REPS1: variants seen among roughly 807,000 people sequenced by gnomAD.
REPS1 encodes the protein RALBP1 associated Eps domain containing 1.
A neutral mutation model predicts 100.9 loss-of-function variants in REPS1; 39 were observed. That is an observed-to-expected ratio of 0.39 (90% CI 0.30 to 0.50). REPS1 has a LOEUF of 0.50. Among genes scored for constraint, REPS1 ranks in the 20% least tolerant of loss-of-function variants. The probability of loss-of-function intolerance (pLI) is 0.86; values close to 1 mark genes in which losing one functional copy is unlikely to be tolerated. For missense variants in REPS1, 821 were observed against 968.5 expected, an observed-to-expected ratio of 0.85 and a Z score of 2.02; for synonymous variants, 324 against 340.3, an observed-to-expected ratio of 0.95 and a Z score of 0.53.
chr6:138,911,102 T>A, intron 17 of REPS1, 174 bp downstream of exon 17: 1 of 543,194 alleles, frequency 1.8e-6, no homozygotes, highest in South Asian at 2.5e-5. Flanking sequence ...TTAACATAGA[T>A]TACAGAATAT....
chr6:138,929,883 C>A, intron 9 of REPS1, 94 bp downstream of exon 9: 1 of 1,201,974 alleles, frequency 8.3e-7, no homozygotes, highest in Non-Finnish European at 1.2e-6. Context: ...ATTATGCATG[C>A]ATGCTGGAAG....
At chr6:138,939,008 C>G (rs1782052366) in intron 8 of REPS1, among the ~76,000 whole-genome samples, 1 of 151,984 alleles carries the variant, frequency 6.6e-6, no homozygotes, top group Non-Finnish European at 1.5e-5. Flanking sequence ...CCACCACACC[C>G]TGCTAATTTT....
At chr6:138,969,451 A>AT (rs1297090821) in intron 1 of REPS1, among the ~76,000 whole-genome samples, 27,553 of 133,136 alleles carry the variant, frequency 0.21, 3,076 homozygotes, top group African/African-American at 0.31. Context: ...CAGCTGGCCA[A>AT]TTTTTTTTTT....
At position 138,987,658 on chromosome 6, in the gene REPS1, C is replaced by T. The variant is rs1215476213; in HGVS notation, c.25G>A (p.Ala9Thr). MEGLTLSD[A>T]EQKYYSDLFS... Reference sequence around the variant, plus strand: ...AGATCTGAATAGTATTTCTGCTCCGCATCGCTCAGCGTTAAGCCTTCCATC... The same window carrying T: ...AGATCTGAATAGTATTTCTGCTCCGTATCGCTCAGCGTTAAGCCTTCCATC... The change falls in exon 1 of 20, where the codon GCG becomes ACG. Residue 9 changes from alanine to threonine, a missense_variant. By Grantham distance (58) the Ala-to-Thr change is moderately conservative (BLOSUM62 0). This residue lies in a region of REPS1 where 36 missense variants were observed against 36.7 expected (regional missense o/e 0.98). Coordinates refer to ENST00000450536, the MANE Select transcript of REPS1 (RefSeq NM_001286611.2). 1.0e-5 allele frequency: 16 copies of T among 1,548,976 alleles called. No individual in the cohort carries two copies. The highest frequency in any genetic ancestry group is 1.4e-5 in the Non-Finnish European group (16 of 1,146,108).
chr6:138,969,205 C>G (rs973808905), intron 1 of REPS1, among the ~76,000 whole-genome samples: 4 of 150,274 alleles, frequency 2.7e-5, no homozygotes, highest in South Asian at 2.1e-4. Flanking sequence ...AACACAGAAC[C>G]CTTTTTCTTA....
chr6:138,931,076 G>T (rs1781456167), intron 8 of REPS1, among the ~76,000 whole-genome samples: 1 of 152,076 alleles, frequency 6.6e-6, no homozygotes, highest in African/African-American at 2.4e-5. Context: ...AATCGGTTTA[G>T]AACTCATATC....
At chr6:138,928,887 G>A (rs1376241661) in intron 9 of REPS1, 1 of 152,118 alleles carries the variant, frequency 6.6e-6, no homozygotes. Flanking sequence ...TGTATTAATG[G>A]TTTTGCATCC....
intron 10 of REPS1, among the ~76,000 whole-genome samples, chr6:138,924,415 T>A (rs991049762): frequency 6.6e-6 from 1 of 152,166 alleles, no homozygotes; most frequent in Non-Finnish European, 1.5e-5. Context: ...CCAAGAAATG[T>A]CAATAATATC....
At chr6:138,966,576 G>A (rs921006775) in intron 1 of REPS1, among the ~76,000 whole-genome samples, 12 of 152,166 alleles carry the variant, frequency 7.9e-5, no homozygotes, top group African/African-American at 2.7e-4. Context: ...AGGACACACA[G>A]CAAGTGACAG....
chr6:138,968,629 T>C (rs1202731369), intron 1 of REPS1, among the ~76,000 whole-genome samples: 4 of 152,252 alleles, frequency 2.6e-5, no homozygotes. Context: ...AATGAGACAC[T>C]TTTTTAAAGT....
chr6:138,953,697 AAT>A lies in REPS1; in HGVS notation c.154-5786_154-5785del, dbSNP rs1318102180. Among the ~76,000 whole-genome samples the A allele has an allele frequency of 5.2e-4, 77 of 147,468 alleles. 1 individual carries two copies. The East Asian group carries it at 0.011, about 21-fold the overall frequency. On this transcript the variant is annotated intron_variant, in intron 1 of 19. Transcript: ENST00000450536. Reference sequence around the variant, plus strand: ...GGCTATTATCAAAAAAAAAAAAAAAAATGCTGGCGAGGATGCAGAAAAAAGGG... The same window carrying A: ...GGCTATTATCAAAAAAAAAAAAAAAAGCTGGCGAGGATGCAGAAAAAAGGG...
rs775659129 is a variant in REPS1 at position 138,912,956 on chromosome 6, C to CAATG, written c.1786-10_1786-7dup. The CAATG allele has an allele frequency of 3.6e-4, 587 of 1,611,412 alleles. No homozygotes were observed. Among genetic ancestry groups the CAATG allele is most frequent in the Non-Finnish European group, 4.6e-4 (538 of 1,178,448 alleles). On this transcript the variant is annotated splice_polypyrimidine_tract_variant and splice_region_variant and intron_variant, in intron 15 of 19. Coordinates refer to ENST00000450536, the MANE Select transcript of REPS1 (RefSeq NM_001286611.2). ...TGCACAGCAGGACCAGGAGCCTGTG[C>CAATG]AATGGTTCAGAACAGAGGAACACAC...
At chr6:138,965,378 A>C (rs181234674) in intron 1 of REPS1, among the ~76,000 whole-genome samples, 1 of 152,102 alleles carries the variant, frequency 6.6e-6, no homozygotes, top group Non-Finnish European at 1.5e-5. Context: ...TAAAAAAAAA[A>C]CAAATAAGAT....
In REPS1 at chr6:138,941,487, T is replaced by A; in HGVS notation, c.983A>T (p.Glu328Val). The change falls in exon 8 of 20, where the codon GAA becomes GTA. Residue 328 changes from glutamate (E) to valine (V), a missense_variant and splice_region_variant. Coordinates refer to ENST00000450536, the MANE Select transcript of REPS1 (RefSeq NM_001286611.2). Reference sequence around the variant, plus strand: ...ACCATCTTTATCAAAGTCTGAGAGTTCCCTAGAAGATAAGTTTATTGTGAA... The same window carrying A: ...ACCATCTTTATCAAAGTCTGAGAGTACCCTAGAAGATAAGTTTATTGTGAA... ...LPILELSHIW[E>V]LSDFDKDGAL... The A allele has an allele frequency of 6.2e-7, 1 of 1,613,122 alleles. No homozygotes were observed.
intron 17 of REPS1, among the ~76,000 whole-genome samples, chr6:138,909,443 A>AT (rs954943150): frequency 5.3e-5 from 8 of 152,246 alleles, no homozygotes; most frequent in African/African-American, 1.9e-4. Context: ...GTTAAGTGAT[A>AT]TTTTTAATTT....
chr6:138,974,826 T>TA (rs1015558766), intron 1 of REPS1, among the ~76,000 whole-genome samples: 1 of 151,908 alleles, frequency 6.6e-6, no homozygotes, highest in Admixed American at 6.6e-5. Flanking sequence ...TAACAACAGC[T>TA]AAAAAATACA....
rs147271603 is a variant in REPS1, at chr6:138,983,562, A to G, written c.153+3968T>C. Among the ~76,000 whole-genome samples, 178 of 152,336 alleles carry G rather than the reference A, an allele frequency of 1.2e-3. 1 individual carries two copies. The highest frequency in any genetic ancestry group is 2.0e-3 in the Non-Finnish European group (138 of 68,022). On this transcript the variant is annotated intron_variant, in intron 1 of 19. Transcript: ENST00000450536. The stretch of plus-strand genomic sequence containing the variant: ...TGAAAATGATTTGCCTGGTTAAAGG[A>G]ACATAATAGGCACTCGATAAATGCC...
intron 1 of REPS1, among the ~76,000 whole-genome samples, chr6:138,961,939 C>T (rs1380809024): frequency 6.6e-6 from 1 of 152,198 alleles, no homozygotes; most frequent in Non-Finnish European, 1.5e-5. Context: ...GAAGCAGCTG[C>T]TATTCAACTC....
At chr6:138,914,993 G>A (rs1474210923) in intron 14 of REPS1, 1 of 498,816 alleles carries the variant, frequency 2.0e-6, no homozygotes. Context: ...AAGCCCTCCT[G>A]GCATACTCCT....
Sources: allele counts gnomAD v4.1 joint callset (sites outside exome capture counted in the v4.1 genomes callset), GRCh38; gene constraint gnomAD v4.1.1; regional missense constraint gnomAD v4.1.1; transcripts MANE v1.5; gene names NCBI Gene and HGNC (gene_info 2026-07-23, HGNC 2026-07-21).